KIF1B: variants seen among roughly 807,000 people sequenced by gnomAD.
KIF1B encodes the protein kinesin family member 1B, also known as kinesin-like protein KIF1B.
KIF1B carries 76 observed loss-of-function variants against 241.9 expected under a neutral mutation model. The ratio of observed to expected loss-of-function variants is 0.31; its 90% confidence interval spans 0.26 to 0.38. The LOEUF is 0.38. KIF1B is among the 10% of genes least tolerant of loss of function. The pLI is 1.00. For synonymous variants in KIF1B, 750 were observed against 796.7 expected (o/e 0.94, Z 0.99); for missense variants, 1,622 against 2,271.4 (o/e 0.71, Z 5.81).
At position 10,381,218 on chromosome 1, in the gene KIF1B, C is replaced by T. The variant is rs1017474638; in HGVS notation, c.*4631C>T. On this transcript the variant is annotated 3_prime_UTR_variant, in exon 49 of 49. Transcript: ENST00000676179. ...AGGCATCGTCTTAGACTTTGTGGCT[C>T]TAAAGTACCTGTCTGTTGAGATTTC... is the stretch of plus-strand genomic sequence containing the variant. 2 of 222,314 alleles carry T rather than the reference C, an allele frequency of 9.0e-6. No homozygotes were observed. Among genetic ancestry groups the T allele is most frequent in the Non-Finnish European group, 1.8e-5 (2 of 111,038 alleles). The allele number at this position is 222,314 out of a possible 1,614,324, so 13.8% of individuals were successfully genotyped here.
In KIF1B at chr1:10,292,114, C is replaced by T; in HGVS notation, c.1582C>T (p.Pro528Ser). 6.2e-7 allele frequency: 1 copy of T among 1,613,356 alleles called. No homozygotes were observed. Among genetic ancestry groups the T allele is most frequent in the Non-Finnish European group, 8.5e-7 (1 of 1,179,438 alleles). ...EDGGTLGVFS[P>S]KKTPHLVNLN... ...TGGAGGAACCCTAGGGGTTTTCTCA[C>T]CTAAAAAGGTAGGAAACAATGCTGT... The change falls in exon 17 of 49, where the codon CCT (proline) becomes TCT (serine). Residue 528 changes from proline (P) to serine (S), a missense_variant. Pro to Ser is a moderately conservative substitution (Grantham distance 74). Coordinates refer to ENST00000676179, the MANE Select transcript of KIF1B (RefSeq NM_001365951.3).
chr1:10,378,420 G>A lies in KIF1B; in HGVS notation c.*1833G>A, dbSNP rs1638943731. 2 of 717,786 alleles carry A rather than the reference G, an allele frequency of 2.8e-6. No homozygotes were observed. Among genetic ancestry groups the A allele is most frequent in the African/African-American group, 3.5e-5 (2 of 57,254 alleles). 44.5% of individuals were successfully genotyped at this position (717,786 alleles called of 1,614,324 possible). ...GCCAGTAAGTTTTCCAGGATGAGAG[G>A]GGAAAAAGAAAGCCTCCAGTGACTT... On this transcript the variant is annotated 3_prime_UTR_variant, in exon 49 of 49. Transcript: ENST00000676179.
In KIF1B at chr1:10,346,421, A is replaced by G. The variant is rs181649431; in HGVS notation, c.3797+468A>G. ...GCTCTGTTGCCCAGGCTGGAGTGCA[A>G]TGGCGCGATCTCAGCTCACTGCAAC... is the stretch of plus-strand genomic sequence containing the variant. On this transcript the variant is annotated intron_variant, in intron 35 of 48. Coordinates refer to ENST00000676179, the MANE Select transcript of KIF1B (RefSeq NM_001365951.3). Among the ~76,000 whole-genome samples the G allele has an allele frequency of 1.2e-3, 180 of 151,760 alleles. 2 individuals are homozygous for G. In the East Asian group the frequency reaches 0.031, roughly 26 times the overall value.
chr1:10,322,464 T>TA (rs1234104870), intron 24 of KIF1B, among the ~76,000 whole-genome samples: 1 of 152,190 alleles, frequency 6.6e-6, no homozygotes, highest in Non-Finnish European at 1.5e-5. Context: ...TCTGGCATGG[T>TA]AAAAGGCAAT....
At chr1:10,346,358 GTTT>G (rs932667796) in intron 35 of KIF1B, among the ~76,000 whole-genome samples, 2 of 140,560 alleles carry the variant, frequency 1.4e-5, no homozygotes, top group African/African-American at 5.3e-5. Context: ...GTTTTTTGGG[GTTT>G]TTTTTGTTTT....
At chr1:10,237,510 T>C (rs1557656068) in intron 2 of KIF1B, among the ~76,000 whole-genome samples, 1 of 152,242 alleles carries the variant, frequency 6.6e-6, no homozygotes, top group African/African-American at 2.4e-5. Context: ...TGAATTTTGT[T>C]CATATATTTA....
intron 41 of KIF1B, among the ~76,000 whole-genome samples, chr1:10,364,200 C>CTTTTTTTTCTTTTTTTT (rs1449980463): frequency 8.8e-6 from 1 of 113,864 alleles, no homozygotes; most frequent in African/African-American, 3.4e-5. Flanking sequence ...GGGACAGGAT[C>CTTTTTTTTCTTTTTTTT]TTTTTTTTTT....
chr1:10,324,118 C>T, intron 25 of KIF1B, 56 bp downstream of exon 25: 2 of 1,535,940 alleles, frequency 1.3e-6, no homozygotes, highest in Non-Finnish European at 9.0e-7. Context: ...CAATGACCTG[C>T]TCAAGTGAGC....
At chr1:10,345,724 C>A in intron 34 of KIF1B, 121 bp from the exon 35 acceptor site, 1 of 743,338 alleles carries the variant, frequency 1.3e-6, no homozygotes, top group Non-Finnish European at 2.4e-6. Context: ...GCATTGAAAT[C>A]TTTCCTCTGA....
intron 22 of KIF1B, chr1:10,304,789 C>T: frequency 6.6e-7 from 1 of 1,512,264 alleles, no homozygotes; most frequent in Non-Finnish European, 8.8e-7. Context: ...TAAGACAAAA[C>T]ACTGGTAAAA....
At chr1:10,252,576 TA>T (rs1647522364) in intron 2 of KIF1B, among the ~76,000 whole-genome samples, 1 of 151,776 alleles carries the variant, frequency 6.6e-6, no homozygotes, top group South Asian at 2.1e-4. Flanking sequence ...CATGCCTAGC[TA>T]ACTTTTGTAT....
chr1:10,259,795 C>T (rs922251827), intron 4 of KIF1B, among the ~76,000 whole-genome samples: 5 of 151,812 alleles, frequency 3.3e-5, no homozygotes, highest in African/African-American at 7.2e-5. Context: ...TCACCATGCC[C>T]GGCCTTTAAA....
intron 25 of KIF1B, among the ~76,000 whole-genome samples, 193 bp downstream of exon 25, chr1:10,324,255 C>CA (rs1368217104): frequency 6.6e-6 from 1 of 152,194 alleles, no homozygotes; most frequent in Non-Finnish European, 1.5e-5. Context: ...ACTCCTCACA[C>CA]ACTCTGACAT....
chr1:10,270,245 T>A (rs984396730), intron 7 of KIF1B, among the ~76,000 whole-genome samples: 2 of 152,216 alleles, frequency 1.3e-5, no homozygotes, highest in Non-Finnish European at 2.9e-5. Context: ...TATCCCTTCT[T>A]CTGTGGCAAT....
At chr1:10,225,389 A>G (rs6541084) in intron 1 of KIF1B, among the ~76,000 whole-genome samples, 83,247 of 151,910 alleles carry the variant, frequency 0.55, 23,865 homozygotes, top group African/African-American at 0.72. Context: ...GGAAACTGAG[A>G]CAAGAGAGTC....
rs187187737 is a variant in KIF1B at position 10,256,462 on chromosome 1, G to A, written c.183+139G>A. Reference sequence around the variant, plus strand: ...TAGCATGAGTTCATTCTTTGATACAGTGATATAGTATTTTCATTCATAAAG... The same window carrying A: ...TAGCATGAGTTCATTCTTTGATACAATGATATAGTATTTTCATTCATAAAG... On this transcript the variant is annotated intron_variant, in intron 3 of 48. Transcript: ENST00000676179. The A allele has an allele frequency of 1.4e-5, 10 of 705,514 alleles. No individual in the cohort carries two copies. In the East Asian group the frequency reaches 2.6e-4, roughly 18 times the overall value. The allele number at this position is 705,514 out of a possible 1,614,324, so 43.7% of individuals were successfully genotyped here. A position where few individuals can be genotyped will look rare whatever the true frequency, so the allele number is the denominator to read the frequency against.
chr1:10,307,172 G>A, intron 22 of KIF1B: 1 of 1,030,784 alleles, frequency 9.7e-7, no homozygotes, highest in South Asian at 4.6e-5. Flanking sequence ...TATGTCCCAT[G>A]ATGCATTTCT....
intron 28 of KIF1B, 148 bp from the exon 29 acceptor site, chr1:10,336,509 T>C (rs950799632): frequency 2.7e-6 from 2 of 729,130 alleles, no homozygotes; most frequent in Non-Finnish European, 5.0e-6. Flanking sequence ...TCTACATGAA[T>C]AGAGTGCGAA....
In KIF1B at chr1:10,319,968, ATTCC is replaced by A. The variant is rs1424751308; in HGVS notation, c.2116-70_2116-67del. 9.9e-6 allele frequency: 9 copies of A among 913,604 alleles called. No individual in the cohort carries two copies. The Admixed American group carries it at 1.8e-4, about 18-fold the overall frequency. 56.6% of individuals were successfully genotyped at this position (913,604 alleles called of 1,614,324 possible). A position where few individuals can be genotyped will look rare whatever the true frequency, so the allele number is the denominator to read the frequency against. On this transcript the variant is annotated intron_variant, in intron 22 of 48. Transcript: ENST00000676179. ...CTTTGCTTTCTCTACTTCCCCCAAT[ATTCC>A]TTCCATTTCTCTTTCCCTGCCCTCT...
Sources: allele counts gnomAD v4.1 joint callset (sites outside exome capture counted in the v4.1 genomes callset), GRCh38; gene constraint gnomAD v4.1.1; transcripts MANE v1.5; gene names NCBI Gene and HGNC (gene_info 2026-07-23, HGNC 2026-07-21).